The following SEMA3A variants were observed in gnomAD, a reference collection of about 807,000 sequenced individuals.
The protein encoded by SEMA3A is semaphorin-3A.
Under a neutral mutation model 97.9 loss-of-function variants are expected in SEMA3A, and 29 were observed. The observed-to-expected ratio is 0.30, with a 90% confidence interval of 0.22 to 0.40. The LOEUF (loss-of-function observed/expected upper bound fraction) is 0.40. Among genes scored for constraint, SEMA3A ranks in the 10% least tolerant of loss-of-function variants. SEMA3A has a pLI of 1.00. For synonymous variants in SEMA3A, 321 were observed against 323.7 expected (o/e 0.99, Z 0.09); for missense variants, 763 against 951.3 (o/e 0.80, Z 2.60).
chr7:84,138,218 T>A (rs554920645), intron 1 of SEMA3A, among the ~76,000 whole-genome samples: 82 of 147,278 alleles, frequency 5.6e-4, no homozygotes, highest in African/African-American at 1.2e-3. Flanking sequence ...CTATATATAT[T>A]TTTTTTCTTT....
chr7:84,042,122 T>C (rs1239068638), intron 6 of SEMA3A, among the ~76,000 whole-genome samples: 1 of 152,088 alleles, frequency 6.6e-6, no homozygotes. Flanking sequence ...GCGCATGTTG[T>C]GGAGAAATTT....
chr7:84,252,415 G>T (rs138927708), intron 3 of SEMA3A, among the ~76,000 whole-genome samples: 4,996 of 152,270 alleles, frequency 0.033, 95 homozygotes, highest in South Asian at 0.046. Flanking sequence ...CAGAAAGAAA[G>T]AATTTTTCCA....
Position 84,091,091 on chromosome 7 carries a change from GGAAAGAAAGAGAAA to G in SEMA3A, c.453+19365_453+19378del, listed in dbSNP as rs1175850264. On this transcript the variant is annotated intron_variant, in intron 4 of 16. Coordinates refer to ENST00000265362, the MANE Select transcript of SEMA3A (RefSeq NM_006080.3). ...CTCCAACTCAAAATGAAAGAAAGAA[GGAAAGAAAGAGAAA>G]GAAAGAAAGAAAGAAAAAGAAAGAA... 1.9e-3 allele frequency among the ~76,000 whole-genome samples: 188 copies of G among 98,640 alleles called. 2 individuals are homozygous for G. The highest frequency in any genetic ancestry group is 6.2e-3 in the African/African-American group (184 of 29,578). The allele number at this position is 98,640 out of a possible 152,430, so 64.7% of individuals were successfully genotyped here.
At chr7:84,001,472 AT>A (rs1291400748) in intron 12 of SEMA3A, among the ~76,000 whole-genome samples, 3 of 151,446 alleles carry the variant, frequency 2.0e-5, no homozygotes, top group East Asian at 1.9e-4. Context: ...AACCTCTCAA[AT>A]TTTTTTTTGC....
intron 1 of SEMA3A, among the ~76,000 whole-genome samples, chr7:84,408,815 G>A (rs1024188654): frequency 6.6e-6 from 1 of 151,418 alleles, no homozygotes; most frequent in Non-Finnish European, 1.5e-5. Context: ...AACACCACAT[G>A]TTCTCACTCA....
intron 1 of SEMA3A, among the ~76,000 whole-genome samples, chr7:84,142,141 T>C (rs1264667218): frequency 6.6e-6 from 1 of 152,210 alleles, no homozygotes; most frequent in Non-Finnish European, 1.5e-5. Flanking sequence ...AAAGTATTTA[T>C]GTAAAGTAAG....
chr7:84,005,500 A>G lies in SEMA3A; in HGVS notation c.1199T>C (p.Ile400Thr), dbSNP rs774892813. 6.2e-7 allele frequency: 1 copy of G among 1,614,118 alleles called. No homozygotes were observed. The highest frequency in any genetic ancestry group is 8.5e-7 in the Non-Finnish European group (1 of 1,179,992). Residue 400 changes from isoleucine (I) to threonine (T), a missense_variant, in exon 11 of 17, where the codon ATA (isoleucine) becomes ACA (threonine). Coordinates refer to ENST00000265362, the MANE Select transcript of SEMA3A (RefSeq NM_006080.3). ...DSTKDLPDDV[I>T]TFARSHPAMY... ...GGCTGGATGACTTCTTGCAAAGGTTATAACATCATCAGGAAGGTCCTTTGT... is the reference window on the plus strand; with the variant it reads ...GGCTGGATGACTTCTTGCAAAGGTTGTAACATCATCAGGAAGGTCCTTTGT...
intron 4 of SEMA3A, among the ~76,000 whole-genome samples, chr7:84,060,912 T>G (rs1793190510): frequency 6.6e-6 from 1 of 152,338 alleles, no homozygotes; most frequent in East Asian, 1.9e-4. Flanking sequence ...ATGTTAAACT[T>G]AAATAAAATG....
chr7:84,442,049 T>G (rs182485206), intron 1 of SEMA3A, among the ~76,000 whole-genome samples: 2 of 152,216 alleles, frequency 1.3e-5, no homozygotes, highest in East Asian at 3.9e-4. Context: ...CTCAAAGACA[T>G]ATGAAGAAAG....
chr7:84,099,781 T>A (rs1477816427), intron 4 of SEMA3A, among the ~76,000 whole-genome samples: 1 of 152,158 alleles, frequency 6.6e-6, no homozygotes, highest in Non-Finnish European at 1.5e-5. Context: ...GCAGCATCTT[T>A]CACTCAGTAT....
chr7:84,120,325 T>C (rs989714336), intron 3 of SEMA3A, among the ~76,000 whole-genome samples: 1 of 152,172 alleles, frequency 6.6e-6, no homozygotes, highest in Non-Finnish European at 1.5e-5. Flanking sequence ...ATCTTTTACC[T>C]TATATGCAAA....
intron 1 of SEMA3A, among the ~76,000 whole-genome samples, chr7:84,433,614 A>G (rs1225421919): frequency 6.6e-6 from 1 of 152,080 alleles, no homozygotes; most frequent in Non-Finnish European, 1.5e-5. Flanking sequence ...TGCTGGGTCA[A>G]ATGGTATTTC....
chr7:84,145,684 T>C (rs571338357), intron 1 of SEMA3A, among the ~76,000 whole-genome samples: 1 of 152,342 alleles, frequency 6.6e-6, no homozygotes, highest in South Asian at 2.1e-4. Context: ...CATGAATAAA[T>C]TTCTTGAGAG....
chr7:83,968,415 T>A (rs1203671451), intron 15 of SEMA3A, among the ~76,000 whole-genome samples: 1 of 152,250 alleles, frequency 6.6e-6, no homozygotes, highest in African/African-American at 2.4e-5. Context: ...TGCATTACAG[T>A]GTTTACTCTA....
chr7:84,278,540 A>C (rs1169549260), intron 3 of SEMA3A, among the ~76,000 whole-genome samples: 1 of 152,120 alleles, frequency 6.6e-6, no homozygotes, highest in East Asian at 1.9e-4. Flanking sequence ...TAATTTATAA[A>C]GAAAAGATGT....
upstream of SEMA3A, among the ~76,000 whole-genome samples, chr7:84,197,880 C>T (rs1406440726): frequency 6.6e-6 from 1 of 151,824 alleles, no homozygotes; most frequent in Non-Finnish European, 1.5e-5. Context: ...GCTGGGACTA[C>T]AGGCACACGC....
At chr7:84,044,432 T>G (rs1792267839) in intron 6 of SEMA3A, among the ~76,000 whole-genome samples, 1 of 152,068 alleles carries the variant, frequency 6.6e-6, no homozygotes, top group Non-Finnish European at 1.5e-5. Flanking sequence ...AGTGTTTGTA[T>G]GCAATCATCA....
intron 3 of SEMA3A, among the ~76,000 whole-genome samples, chr7:84,291,842 G>C (rs1800755130): frequency 6.6e-6 from 1 of 152,054 alleles, no homozygotes; most frequent in Non-Finnish European, 1.5e-5. Flanking sequence ...TATTCCTTTG[G>C]GCAAAATAGT....
chr7:84,421,806 T>C (rs1437492796), intron 1 of SEMA3A, among the ~76,000 whole-genome samples: 2 of 152,124 alleles, frequency 1.3e-5, no homozygotes, highest in Non-Finnish European at 2.9e-5. Flanking sequence ...TCTGTTTATG[T>C]GATGGATTAC....
Sources: allele counts gnomAD v4.1 joint callset (sites outside exome capture counted in the v4.1 genomes callset), GRCh38; gene constraint gnomAD v4.1.1; transcripts MANE v1.5; gene names NCBI Gene and HGNC (gene_info 2026-07-23, HGNC 2026-07-21).